Variants in CDH19 observed in about 807,000 individuals in gnomAD.
CDH19 encodes the protein cadherin-19.
Under a neutral mutation model 64.2 loss-of-function variants are expected in CDH19, and 67 were observed. That is an observed-to-expected ratio of 1.04 (90% CI 0.86 to 1.28). The LOEUF is 1.28. CDH19 is among the 50% of genes most tolerant of loss of function. The pLI is 0.00. For missense variants in CDH19, 1,030 were observed against 929.0 expected (o/e 1.11, Z -1.41); for synonymous variants, 346 against 319.3 (o/e 1.08, Z -0.89).
intron 3 of CDH19, among the ~76,000 whole-genome samples, chr18:66,556,132 T>C (rs998045353): frequency 1.3e-5 from 2 of 151,632 alleles, no homozygotes; most frequent in Admixed American, 1.3e-4. Flanking sequence ...CCAGTTTTTT[T>C]AGCATGCTTT....
intron 7 of CDH19, among the ~76,000 whole-genome samples, chr18:66,540,970 C>T (rs1434564066): frequency 6.6e-6 from 1 of 152,038 alleles, no homozygotes; most frequent in African/African-American, 2.4e-5. Flanking sequence ...CCATACAAGG[C>T]TCCTTAAAAC....
At chr18:66,528,362 T>C (rs952356348) in intron 9 of CDH19, among the ~76,000 whole-genome samples, 1 of 152,162 alleles carries the variant, frequency 6.6e-6, no homozygotes, top group Admixed American at 6.5e-5. Context: ...TCTTCTACCC[T>C]ATACTGTACG....
chr18:66,599,335 T>C (rs1276598861), intron 1 of CDH19, among the ~76,000 whole-genome samples: 3 of 152,080 alleles, frequency 2.0e-5, no homozygotes, highest in Non-Finnish European at 4.4e-5. Flanking sequence ...TTTTGTCATC[T>C]TTATGTGGAA....
chr18:66,582,559 C>T (rs1988454046), intron 1 of CDH19, among the ~76,000 whole-genome samples: 1 of 144,536 alleles, frequency 6.9e-6, no homozygotes, highest in Non-Finnish European at 1.5e-5. Context: ...ATTCATTGCA[C>T]AGCACTAAAA....
At chr18:66,592,336 A>C (rs1047830185) in intron 1 of CDH19, among the ~76,000 whole-genome samples, 2 of 151,892 alleles carry the variant, frequency 1.3e-5, no homozygotes, top group African/African-American at 4.8e-5. Context: ...AAATCAGGGT[A>C]ATTAGGACAA....
chr18:66,549,489 A>T (rs1463312710), intron 5 of CDH19, among the ~76,000 whole-genome samples: 2 of 152,078 alleles, frequency 1.3e-5, no homozygotes, highest in Non-Finnish European at 2.9e-5. Context: ...GGCCATATTA[A>T]TGTTGTGGAC....
chr18:66,536,621 T>C, intron 7 of CDH19, among the ~76,000 whole-genome samples: 1 of 151,784 alleles, frequency 6.6e-6, no homozygotes. Context: ...ATAAATTGGT[T>C]CAGTTCCCAT....
intron 9 of CDH19, among the ~76,000 whole-genome samples, chr18:66,526,175 A>C (rs1986212636): frequency 6.6e-6 from 1 of 152,114 alleles, no homozygotes; most frequent in African/African-American, 2.4e-5. Context: ...GACAGACATA[A>C]ATTTTAATTC....
At chr18:66,532,763 A>C in intron 8 of CDH19, 1 of 451,034 alleles carries the variant, frequency 2.2e-6, no homozygotes, top group Admixed American at 2.4e-5. Context: ...TCTTGTTCTA[A>C]GTTGTAGAAC....
intron 1 of CDH19, among the ~76,000 whole-genome samples, chr18:66,578,363 T>C (rs527404203): frequency 6.6e-6 from 1 of 152,008 alleles, no homozygotes; most frequent in African/African-American, 2.4e-5. Context: ...TAAAATAAGT[T>C]AAAAAATGAT....
intron 1 of CDH19, among the ~76,000 whole-genome samples, chr18:66,592,120 T>C (rs923347807): frequency 6.6e-6 from 1 of 151,936 alleles, no homozygotes; most frequent in African/African-American, 2.4e-5. Context: ...CATTTGAGCA[T>C]GAAGCCTGAC....
chr18:66,600,424 C>T (rs1180053404), intron 1 of CDH19, among the ~76,000 whole-genome samples: 1 of 151,582 alleles, frequency 6.6e-6, no homozygotes. Context: ...ATTGCTTTTT[C>T]CTTTTTTATG....
At position 66,544,772 on chromosome 18, in the gene CDH19, ATGTT is replaced by A. The variant is rs1329576873; in HGVS notation, c.903_906del (p.Gln301HisfsTer14). ...GTTTCATGATTAGTAATAATGTCAA[ATGTT>A]TGCGAATCATCCTCTTCAATGCTGT... On this transcript the variant is annotated frameshift_variant, in exon 6 of 12. Coordinates refer to ENST00000262150, the MANE Select transcript of CDH19 (RefSeq NM_021153.4). LOFTEE classifies it high-confidence loss of function. 2.5e-6 allele frequency: 4 copies of A among 1,611,834 alleles called. No homozygotes were observed. The highest frequency in any genetic ancestry group is 3.4e-6 in the Non-Finnish European group (4 of 1,178,362).
chr18:66,544,786 T>C lies in CDH19; in HGVS notation c.893A>G (p.Asp298Gly), dbSNP rs564590344. 1 of 1,612,360 alleles carries C rather than the reference T, an allele frequency of 6.2e-7. No individual in the cohort carries two copies. Among genetic ancestry groups the C allele is most frequent in the Non-Finnish European group, 8.5e-7 (1 of 1,178,562 alleles). Residue 298 changes from aspartate (D) to glycine (G), a missense_variant, in exon 6 of 12, where the codon GAT becomes GGT. Coordinates refer to ENST00000262150, the MANE Select transcript of CDH19 (RefSeq NM_021153.4). The part of the protein sequence containing the change: ...NAEMDYSIEE[D>G]DSQTFDIITN... ...AATAATGTCAAATGTTTGCGAATCA[T>C]CCTCTTCAATGCTGTAATCCATTTC...
chr18:66,511,627 T>C lies in CDH19; in HGVS notation c.1517A>G (p.Tyr506Cys). 1 of 1,578,508 alleles carries C rather than the reference T, an allele frequency of 6.3e-7. No individual in the cohort carries two copies. Among genetic ancestry groups the C allele is most frequent in the Non-Finnish European group, 8.7e-7 (1 of 1,149,050 alleles). ...RDESIEEHHF[Y>C]FNLSVEDTNN... ...AGTGTCTTCTACAGATAGATTAAAGTAAAAATGGTGCTCTTCTATGGATTC... is the reference window on the plus strand; with the variant it reads ...AGTGTCTTCTACAGATAGATTAAAGCAAAAATGGTGCTCTTCTATGGATTC... Residue 506 changes from tyrosine (Y) to cysteine (C), a missense_variant, in exon 10 of 12, where the codon TAC becomes TGC. Coordinates refer to ENST00000262150, the MANE Select transcript of CDH19 (RefSeq NM_021153.4).
At chr18:66,508,620 A>G (rs1985316920) in intron 11 of CDH19, among the ~76,000 whole-genome samples, 1 of 152,074 alleles carries the variant, frequency 6.6e-6, no homozygotes, top group Non-Finnish European at 1.5e-5. Flanking sequence ...TAGTGCATAT[A>G]AAACACTGAA....
chr18:66,551,705 T>C (rs1179261950), intron 4 of CDH19, among the ~76,000 whole-genome samples: 3 of 152,054 alleles, frequency 2.0e-5, no homozygotes, highest in Non-Finnish European at 4.4e-5. Context: ...CTTAGAATTA[T>C]GAGATCTGAA....
At chr18:66,558,510 A>G (rs1207546661) in intron 3 of CDH19, among the ~76,000 whole-genome samples, 1 of 151,978 alleles carries the variant, frequency 6.6e-6, no homozygotes, top group Non-Finnish European at 1.5e-5. Flanking sequence ...ATTCGGCAGA[A>G]ATCCTCAAGA....
At chr18:66,509,333 T>C (rs757399858) in intron 10 of CDH19, 87 bp from the exon 11 acceptor site, 27 of 1,134,542 alleles carry the variant, frequency 2.4e-5, no homozygotes, top group Non-Finnish European at 3.2e-5. Flanking sequence ...GACAATAGTA[T>C]AGAGATATGA....
Sources: gnomAD v4.1 joint callset for allele counts (sites outside exome capture counted in the v4.1 genomes callset) on GRCh38, gnomAD v4.1.1 for gene constraint, MANE v1.5 for transcripts, NCBI Gene and HGNC (gene_info 2026-07-23, HGNC 2026-07-21) for gene names.